AK8: variants seen among roughly 807,000 people sequenced by gnomAD.
AK8 encodes adenylate kinase 8, also known as ATP-AMP transphosphorylase 8.
In AK8, 44 loss-of-function variants were observed where a neutral mutation model predicts 54.6. The ratio of observed to expected loss-of-function variants is 0.81; its 90% CI spans 0.63 to 1.04. AK8 has a LOEUF of 1.04. Ranked by LOEUF, AK8 falls within the 50% of genes least tolerant of loss-of-function variation. The pLI, the probability that AK8 is intolerant of heterozygous loss-of-function variation, is 0.00. For missense variants in AK8, 555 were observed against 613.6 expected, an observed-to-expected ratio of 0.90 and a Z score of 1.01; for synonymous variants, 239 against 245.6, an observed-to-expected ratio of 0.97 and a Z score of 0.25.
At chr9:132,797,965 T>C (rs1181199041) in intron 10 of AK8, among the ~76,000 whole-genome samples, 3 of 152,220 alleles carry the variant, frequency 2.0e-5, no homozygotes, top group African/African-American at 7.2e-5. Flanking sequence ...AAGCTCCTCG[T>C]TCGAGTCCTT....
At chr9:132,832,164 A>C (rs1842134077) in intron 5 of AK8, among the ~76,000 whole-genome samples, 1 of 151,600 alleles carries the variant, frequency 6.6e-6, no homozygotes, top group South Asian at 2.1e-4. Context: ...AAAAAAAAAA[A>C]AAACCTAAAC....
At chr9:132,732,810 C>T (rs1836911592) in intron 11 of AK8, among the ~76,000 whole-genome samples, 2 of 152,042 alleles carry the variant, frequency 1.3e-5, no homozygotes, top group Non-Finnish European at 2.9e-5. Flanking sequence ...ATATATACAC[C>T]TCTTCTCTTG....
chr9:132,871,636 G>C (rs903254607), intron 2 of AK8, among the ~76,000 whole-genome samples: 1 of 152,188 alleles, frequency 6.6e-6, no homozygotes, highest in Non-Finnish European at 1.5e-5. Flanking sequence ...AGCTAGAGAC[G>C]GCACGAGGCA....
At chr9:132,729,508 A>G (rs1887963) in intron 11 of AK8, among the ~76,000 whole-genome samples, 113,953 of 151,586 alleles carry the variant, frequency 0.75, 43,438 homozygotes, top group Admixed American at 0.85. Flanking sequence ...GTCTTCTAGC[A>G]CTAAATCATC....
At chr9:132,783,104 A>C (rs185779232) in intron 11 of AK8, among the ~76,000 whole-genome samples, 1 of 152,228 alleles carries the variant, frequency 6.6e-6, no homozygotes, top group South Asian at 2.1e-4. Context: ...TGATATGGTA[A>C]GATTATCTCA....
intron 5 of AK8, among the ~76,000 whole-genome samples, chr9:132,853,632 A>G (rs1208425852): frequency 1.3e-5 from 2 of 151,852 alleles, no homozygotes; most frequent in African/African-American, 4.8e-5. Flanking sequence ...CCAGTCTACA[A>G]AAAATTAGCT....
At chr9:132,847,694 AAG>A (rs1197737531) in intron 5 of AK8, among the ~76,000 whole-genome samples, 16 of 152,156 alleles carry the variant, frequency 1.1e-4, no homozygotes, top group African/African-American at 3.6e-4. Context: ...TTAAAGATCA[AAG>A]AGAGCCAGGC....
intron 11 of AK8, among the ~76,000 whole-genome samples, chr9:132,745,496 G>A (rs940580927): frequency 1.3e-5 from 2 of 152,144 alleles, no homozygotes; most frequent in Non-Finnish European, 1.5e-5. Context: ...GCTGGGCCCC[G>A]GCAGAAACCT....
chr9:132,792,706 C>A lies in AK8; in HGVS notation c.1049G>T (p.Trp350Leu). 6.4e-7 allele frequency: 1 copy of A among 1,557,216 alleles called. No individual in the cohort carries two copies. Reference sequence around the variant, plus strand: ...GTCCCGCGGGACGCCGTGTAGCACCCAGCCTTTCTGGATGCAGTCCTGCTG... The same window carrying A: ...GTCCCGCGGGACGCCGTGTAGCACCAAGCCTTTCTGGATGCAGTCCTGCTG... Reference protein sequence around the residue: ...LDQQDCIQKGWVLHGVPRDLD... With the variant: ...LDQQDCIQKGLVLHGVPRDLD... Residue 350 changes from tryptophan to leucine, a missense_variant, in exon 11 of 13, where the codon TGG becomes TTG. Trp to Leu is a moderately conservative substitution (Grantham distance 61, BLOSUM62 -2). Coordinates refer to ENST00000298545, the MANE Select transcript of AK8 (RefSeq NM_152572.3).
At chr9:132,848,819 G>A (rs1031564118) in intron 5 of AK8, among the ~76,000 whole-genome samples, 1 of 152,074 alleles carries the variant, frequency 6.6e-6, no homozygotes, top group Non-Finnish European at 1.5e-5. Flanking sequence ...TCAAGTCGCC[G>A]AGCTTGGAAG....
intron 10 of AK8, among the ~76,000 whole-genome samples, chr9:132,812,338 C>G (rs1841056951): frequency 6.8e-6 from 1 of 147,758 alleles, no homozygotes; most frequent in Non-Finnish European, 1.5e-5. Flanking sequence ...TCAAGCGATT[C>G]TCCTGCTTCA....
intron 1 of AK8, among the ~76,000 whole-genome samples, chr9:132,877,528 C>A (rs894633457): frequency 1.3e-5 from 2 of 152,220 alleles, no homozygotes; most frequent in African/African-American, 4.8e-5. Flanking sequence ...ACCTCCACCA[C>A]GTGCAAAAGG....
intron 11 of AK8, among the ~76,000 whole-genome samples, chr9:132,780,693 G>T (rs773709872): frequency 6.6e-6 from 1 of 152,126 alleles, no homozygotes; most frequent in Non-Finnish European, 1.5e-5. Flanking sequence ...GCACCCAAAT[G>T]AGCTAATCAG....
intron 10 of AK8, among the ~76,000 whole-genome samples, chr9:132,812,924 G>T (rs1302419407): frequency 8.0e-6 from 1 of 124,436 alleles, no homozygotes; most frequent in Non-Finnish European, 1.7e-5. Context: ...AGACACCCAG[G>T]ACCAGACCTG....
chr9:132,867,422 G>A (rs980772513), intron 2 of AK8, among the ~76,000 whole-genome samples: 2 of 152,238 alleles, frequency 1.3e-5, no homozygotes, highest in Non-Finnish European at 2.9e-5. Flanking sequence ...GTATGGGCCA[G>A]ATTTATAAAA....
intron 5 of AK8, among the ~76,000 whole-genome samples, chr9:132,845,037 G>A (rs558359526): frequency 2.6e-5 from 4 of 152,242 alleles, no homozygotes; most frequent in Admixed American, 6.5e-5. Context: ...TGCCACCTCC[G>A]CAAGGTTGCT....
intron 11 of AK8, among the ~76,000 whole-genome samples, chr9:132,785,932 T>G (rs1372480487): frequency 2.0e-5 from 3 of 152,224 alleles, no homozygotes; most frequent in African/African-American, 7.2e-5. Context: ...ATTTTGTTTC[T>G]TCCCCAAATC....
At chr9:132,731,501 A>G (rs11790198) in intron 11 of AK8, among the ~76,000 whole-genome samples, 1 of 152,156 alleles carries the variant, frequency 6.6e-6, no homozygotes, top group Non-Finnish European at 1.5e-5. Flanking sequence ...TCTGGAGAGA[A>G]CCAATACAGA....
chr9:132,824,297 G>A (rs955966349), intron 8 of AK8, among the ~76,000 whole-genome samples: 2 of 152,236 alleles, frequency 1.3e-5, no homozygotes, highest in African/African-American at 2.4e-5. Context: ...CTTCCCCAGG[G>A]AGACCTTCCC....
Sources: gnomAD v4.1 joint callset for allele counts (sites outside exome capture counted in the v4.1 genomes callset) on GRCh38, gnomAD v4.1.1 for gene constraint, MANE v1.5 for transcripts, NCBI Gene and HGNC (gene_info 2026-07-23, HGNC 2026-07-21) for gene names.